Variants in ATL1 observed in about 807,000 individuals in gnomAD.
ATL1 encodes the protein atlastin-1.
A neutral mutation model predicts 75.5 loss-of-function variants in ATL1; 31 were observed. That is an observed-to-expected ratio of 0.41 (90% CI 0.31 to 0.55). The LOEUF (loss-of-function observed/expected upper bound fraction) is 0.55. ATL1 is among the 20% of genes least tolerant of loss of function. The pLI, the probability that ATL1 is intolerant of heterozygous loss-of-function variation, is 0.27. For synonymous variants in ATL1, 226 were observed against 233.3 expected (o/e 0.97, Z 0.28); for missense variants, 405 against 662.6 (o/e 0.61, Z 4.27).
At position 50,628,167 on chromosome 14, in the gene ATL1, A is replaced by G. The variant is rs752641587; in HGVS notation, c.1256A>G (p.Gln419Arg). The G allele has an allele frequency of 3.1e-6, 5 of 1,614,116 alleles. No individual in the cohort carries two copies. The South Asian group carries it at 5.5e-5, about 18-fold the overall frequency. ...GAAGAATTTAGCCGGCGTTACCTGC[A>G]GCAGTTGGAGAGTGAAATAGATGAA... The part of the protein sequence containing the change: ...GGEEFSRRYL[Q>R]QLESEIDELY... The change falls in exon 12 of 14, where the codon CAG becomes CGG. Residue 419 changes from glutamine to arginine, a missense_variant. This residue lies in a region of ATL1 where 163 missense variants were observed against 244.1 expected (regional missense o/e 0.67). Coordinates refer to ENST00000358385, the MANE Select transcript of ATL1 (RefSeq NM_015915.5).
At chr14:50,629,882 T>C in intron 12 of ATL1, 113 bp from the exon 13 acceptor site, 2 of 367,652 alleles carry the variant, frequency 5.4e-6, no homozygotes, top group Non-Finnish European at 8.5e-6. Flanking sequence ...TCTGCAGGAG[T>C]ATCTGTTCTG....
intron 6 of ATL1, among the ~76,000 whole-genome samples, chr14:50,599,950 A>G (rs1274238399): frequency 6.6e-6 from 1 of 151,334 alleles, no homozygotes; most frequent in Non-Finnish European, 1.5e-5. Context: ...GCAGTCTTCT[A>G]TATGATTTAC....
chr14:50,535,068 A>C (rs142909886), intron 1 of ATL1, among the ~76,000 whole-genome samples: 1 of 152,344 alleles, frequency 6.6e-6, no homozygotes, highest in East Asian at 1.9e-4. Flanking sequence ...CTTCATTCCA[A>C]CCTAATTGTC....
chr14:50,564,647 C>CAAAAAAAAAAAAAAAAAAAAAA (rs60054322), intron 1 of ATL1, among the ~76,000 whole-genome samples: 3 of 40,006 alleles, frequency 7.5e-5, no homozygotes, highest in Admixed American at 4.5e-4. Flanking sequence ...GATTCCGTCT[C>CAAAAAAAAAAAAAAAAAAAAAA]AAAAAAAAAA....
At position 50,587,937 on chromosome 14, in the gene ATL1, G is replaced by A; in HGVS notation, c.141G>A (p.Glu47=). Residue 47 remains glutamate, a synonymous_variant, in exon 2 of 14, where the codon GAG becomes GAA. Coordinates refer to ENST00000358385, the MANE Select transcript of ATL1 (RefSeq NM_015915.5). ...TTGTCAAAGATGACCATTCCTTTGAGTTAGATGAAACTGCATTAAATCGGA... is the reference window on the plus strand; with the variant it reads ...TTGTCAAAGATGACCATTCCTTTGAATTAGATGAAACTGCATTAAATCGGA... ...VLIVKDDHSF[E]LDETALNRIL... 1 of 1,614,178 alleles carries A rather than the reference G, an allele frequency of 6.2e-7. No individual in the cohort carries two copies. The highest frequency in any genetic ancestry group is 8.5e-7 in the Non-Finnish European group (1 of 1,180,036).
chr14:50,602,668 C>T (rs892767317), intron 6 of ATL1, among the ~76,000 whole-genome samples: 2 of 151,938 alleles, frequency 1.3e-5, no homozygotes, highest in Non-Finnish European at 2.9e-5. Flanking sequence ...TCACGAAGTT[C>T]CTGAGCCTTG....
At position 50,598,703 on chromosome 14, in the gene ATL1, C is replaced by T. The variant is rs561926303; in HGVS notation, c.630+3071C>T. ...AGAAGACGATCTGAATTAGAGGGCT[C>T]AATACACACTAAAAAGCCATAGCAA... On this transcript the variant is annotated intron_variant, in intron 6 of 13. Transcript: ENST00000358385. Among the ~76,000 whole-genome samples, 8 of 152,108 alleles carry T rather than the reference C, an allele frequency of 5.3e-5. No individual in the cohort carries two copies. The South Asian group carries it at 8.3e-4, about 16-fold the overall frequency.
In ATL1 at chr14:50,591,521, C is replaced by G. The variant is rs1441690169; in HGVS notation, c.418-14C>G. 4 of 1,566,490 alleles carry G rather than the reference C, an allele frequency of 2.6e-6. No homozygotes were observed. The highest frequency in any genetic ancestry group is 1.4e-5 in the African/African-American group (1 of 73,916). ...TTCTATAAAATATCAATAATGTACT[C>G]TTCTTGCCTGTAGGTTGCAGTGTTA... On this transcript the variant is annotated splice_polypyrimidine_tract_variant and intron_variant, in intron 3 of 13. Transcript: ENST00000358385.
At chr14:50,565,913 C>T (rs148691733) in intron 1 of ATL1, among the ~76,000 whole-genome samples, 7 of 152,246 alleles carry the variant, frequency 4.6e-5, no homozygotes, top group African/African-American at 1.2e-4. Flanking sequence ...AGCACCTGTG[C>T]CCCCCAGCCA....
intron 1 of ATL1, among the ~76,000 whole-genome samples, chr14:50,552,848 A>G (rs956740283): frequency 6.6e-6 from 1 of 152,224 alleles, no homozygotes; most frequent in Non-Finnish European, 1.5e-5. Flanking sequence ...CTCACCTTAT[A>G]GAAAAATCAA....
chr14:50,617,561 A>G (rs1056707060), intron 8 of ATL1, among the ~76,000 whole-genome samples: 1 of 152,220 alleles, frequency 6.6e-6, no homozygotes, highest in Non-Finnish European at 1.5e-5. Context: ...TTGTTAATTT[A>G]TACAGCAATA....
chr14:50,588,257 G>A (rs2039121722), intron 2 of ATL1, among the ~76,000 whole-genome samples, 179 bp downstream of exon 2: 1 of 152,154 alleles, frequency 6.6e-6, no homozygotes, highest in Admixed American at 6.5e-5. Flanking sequence ...AAACTACACA[G>A]ACCAATTTTC....
At chr14:50,619,156 G>A (rs1020586382) in intron 8 of ATL1, among the ~76,000 whole-genome samples, 2 of 152,120 alleles carry the variant, frequency 1.3e-5, no homozygotes, top group Admixed American at 6.6e-5. Flanking sequence ...GGGTTCAAGC[G>A]ATTCCCCTGC....
At chr14:50,551,020 T>G (rs1021839975) in intron 1 of ATL1, among the ~76,000 whole-genome samples, 2 of 151,140 alleles carry the variant, frequency 1.3e-5, no homozygotes, top group Admixed American at 1.3e-4. Context: ...AAAAAAAAAT[T>G]AACAAAGATC....
At chr14:50,593,989 T>A in intron 5 of ATL1, 93 bp downstream of exon 5, 1 of 980,964 alleles carries the variant, frequency 1.0e-6, no homozygotes, top group South Asian at 1.3e-5. Context: ...ATAATCAGAT[T>A]CTGATTCTGC....
At chr14:50,628,673 A>G (rs976006724) in intron 12 of ATL1, 9 of 706,642 alleles carry the variant, frequency 1.3e-5, no homozygotes, top group Non-Finnish European at 2.4e-5. Flanking sequence ...TTAACATTTC[A>G]GCATTTAAAA....
chr14:50,587,857 T>G lies in ATL1; in HGVS notation c.61T>G (p.Trp21Gly), dbSNP rs1566722905. ...TGGATTTTCGGAAAAGACATATGAA[T>G]GGAGCTCAGAAGAGGAGGAGCCAGT... ...WGGFSEKTYE[W>G]SSEEEEPVKK... The change falls in exon 2 of 14, where the codon TGG (tryptophan) becomes GGG (glycine). Residue 21 changes from tryptophan (W) to glycine (G), a missense_variant. Physicochemically the swap from Trp to Gly is radical, Grantham distance 184. Coordinates refer to ENST00000358385, the MANE Select transcript of ATL1 (RefSeq NM_015915.5). The G allele has an allele frequency of 6.2e-7, 1 of 1,614,168 alleles. No individual in the cohort carries two copies. The highest frequency in any genetic ancestry group is 8.5e-7 in the Non-Finnish European group (1 of 1,180,036).
intron 8 of ATL1, among the ~76,000 whole-genome samples, chr14:50,616,555 G>A (rs1039088144): frequency 6.6e-6 from 1 of 151,696 alleles, no homozygotes; most frequent in African/African-American, 2.4e-5. Flanking sequence ...TTGAACTCCT[G>A]GCCTCAAGTG....
At chr14:50,582,006 C>T (rs183249314) in intron 1 of ATL1, among the ~76,000 whole-genome samples, 99 of 152,178 alleles carry the variant, frequency 6.5e-4, no homozygotes, top group Middle Eastern at 3.4e-3. Context: ...AATGGCCAGT[C>T]GCGGTGGCTC....
Sources: gnomAD v4.1 joint callset for allele counts (sites outside exome capture counted in the v4.1 genomes callset) on GRCh38, gnomAD v4.1.1 for gene constraint, gnomAD v4.1.1 regional missense constraint, MANE v1.5 for transcripts, NCBI Gene and HGNC (gene_info 2026-07-23, HGNC 2026-07-21) for gene names.